Variants in GRID1 observed in about 807,000 individuals in gnomAD.
The protein encoded by GRID1 is glutamate ionotropic receptor delta type subunit 1.
GRID1 carries 28 observed loss-of-function variants against 98.0 expected under a neutral mutation model. The ratio of observed to expected loss-of-function variants is 0.29; its 90% CI spans 0.21 to 0.39. GRID1 has a LOEUF of 0.39. GRID1 is among the 10% of genes least tolerant of loss of function. GRID1 has a pLI of 1.00. For missense variants in GRID1, 1,111 were observed against 1,340.5 expected (o/e 0.83, Z 2.67); for synonymous variants, 553 against 538.5 (o/e 1.03, Z -0.37).
chr10:86,060,720 T>C (rs1843636925), intron 4 of GRID1, among the ~76,000 whole-genome samples: 1 of 152,140 alleles, frequency 6.6e-6, no homozygotes, highest in Non-Finnish European at 1.5e-5. Flanking sequence ...TCAGGCTGTG[T>C]CTCACTCAGT....
intron 4 of GRID1, among the ~76,000 whole-genome samples, chr10:86,010,714 A>G (rs1245189287): frequency 6.6e-6 from 1 of 151,136 alleles, no homozygotes; most frequent in African/African-American, 2.4e-5. Context: ...GCTACTCGAG[A>G]GGCTGAGGCA....
rs1238816931 is a variant in GRID1 at position 85,796,336 on chromosome 10, TGTGA to T, written c.1233+58156_1233+58159del. On this transcript the variant is annotated intron_variant, in intron 8 of 15. Coordinates refer to ENST00000327946, the MANE Select transcript of GRID1 (RefSeq NM_017551.3). ...GTTCTTAAAATAAACCTAGACATAT[TGTGA>T]TTAAAATATTAATTGGACAAAGAAT... Among the ~76,000 whole-genome samples the T allele has an allele frequency of 1.8e-4, 28 of 152,164 alleles. 1 individual carries two copies. Among genetic ancestry groups the T allele is most frequent in the East Asian group, 1.9e-4 (1 of 5,196 alleles).
intron 5 of GRID1, among the ~76,000 whole-genome samples, chr10:85,898,911 A>G (rs999817128): frequency 2.0e-5 from 3 of 152,210 alleles, no homozygotes; most frequent in African/African-American, 7.2e-5. Flanking sequence ...ATTCTCAAGT[A>G]TTATGGACTG....
At chr10:86,060,215 A>T (rs1444745380) in intron 4 of GRID1, among the ~76,000 whole-genome samples, 2 of 152,254 alleles carry the variant, frequency 1.3e-5, no homozygotes, top group African/African-American at 4.8e-5. Flanking sequence ...AATGCTACAA[A>T]TAGACATAAA....
At chr10:86,139,090 G>GCAT in intron 3 of GRID1, 66 bp from the exon 4 acceptor site, 5 of 1,116,784 alleles carry the variant, frequency 4.5e-6, no homozygotes, top group South Asian at 1.3e-5. Context: ...CCGGGAGGGT[G>GCAT]TCTAACTGCA....
Position 85,890,363 on chromosome 10 carries a change from A to T in GRID1, c.781-21183T>A, listed in dbSNP as rs146318212. Among the ~76,000 whole-genome samples the T allele has an allele frequency of 1.0e-3, 158 of 152,304 alleles. 1 individual carries two copies. Among genetic ancestry groups the T allele is most frequent in the African/African-American group, 3.5e-3 (144 of 41,566 alleles). Reference sequence around the variant, plus strand: ...ATATGCTCATTACCCTGATTTGATCATTATACAACGTATATGTGCATGAAA... The same window carrying T: ...ATATGCTCATTACCCTGATTTGATCTTTATACAACGTATATGTGCATGAAA... On this transcript the variant is annotated intron_variant, in intron 5 of 15. Transcript: ENST00000327946.
At chr10:86,249,965 G>A (rs180777925) in intron 2 of GRID1, among the ~76,000 whole-genome samples, 1 of 152,048 alleles carries the variant, frequency 6.6e-6, no homozygotes, top group Non-Finnish European at 1.5e-5. Flanking sequence ...TGAATGGGGG[G>A]TGGGTGGATA....
At chr10:86,035,281 T>C (rs190758954) in intron 4 of GRID1, among the ~76,000 whole-genome samples, 18 of 152,354 alleles carry the variant, frequency 1.2e-4, no homozygotes, top group Non-Finnish European at 2.4e-4. Context: ...GTTATTCTTA[T>C]TCGTAGAGCT....
chr10:86,086,702 G>C (rs1374166110), intron 4 of GRID1, among the ~76,000 whole-genome samples: 1 of 152,208 alleles, frequency 6.6e-6, no homozygotes, highest in Non-Finnish European at 1.5e-5. Context: ...GCATGTGCAG[G>C]TGTGTACTTG....
At chr10:86,338,336 A>G (rs999306232) in intron 2 of GRID1, among the ~76,000 whole-genome samples, 5 of 152,082 alleles carry the variant, frequency 3.3e-5, no homozygotes, top group Non-Finnish European at 5.9e-5. Context: ...TTTCTCTGCC[A>G]TTTTTGCTAA....
At chr10:86,111,944 G>A (rs1227714655) in intron 4 of GRID1, among the ~76,000 whole-genome samples, 1 of 152,238 alleles carries the variant, frequency 6.6e-6, no homozygotes, top group Non-Finnish European at 1.5e-5. Context: ...GGAATCTAAT[G>A]AGGTGTAGTC....
chr10:85,675,067 T>A (rs915231563), intron 12 of GRID1, among the ~76,000 whole-genome samples: 3 of 152,206 alleles, frequency 2.0e-5, no homozygotes, highest in African/African-American at 7.2e-5. Context: ...TCAATGCTGC[T>A]GGTTTGTGTC....
chr10:85,724,607 G>A lies in GRID1; in HGVS notation c.1603C>T (p.Arg535Trp), dbSNP rs1354128891. The A allele has an allele frequency of 1.9e-6, 3 of 1,613,092 alleles. No individual in the cohort carries two copies. The highest frequency in any genetic ancestry group is 2.7e-5 in the African/African-American group (2 of 74,920). ...ERESVVDFSK[R>W]YMDYSVGILI... ...ATCCCCACTGAATAGTCCATGTACC[G>A]CTTGCTGAAGTCCACAACGCTCTCC... is the stretch of plus-strand genomic sequence containing the variant. The change falls in exon 11 of 16, where the codon CGG becomes TGG. Residue 535 changes from arginine (R) to tryptophan (W), a missense_variant. Arg to Trp is a moderately radical substitution (Grantham distance 101, BLOSUM62 -3). This residue lies in a region of GRID1 where 762 missense variants were observed against 869.1 expected (regional missense o/e 0.88). Coordinates refer to ENST00000327946, the MANE Select transcript of GRID1 (RefSeq NM_017551.3).
intron 12 of GRID1, among the ~76,000 whole-genome samples, chr10:85,717,387 G>C (rs1295771372): frequency 6.6e-6 from 1 of 152,122 alleles, no homozygotes; most frequent in Admixed American, 6.5e-5. Context: ...AATCATGATG[G>C]GAGGCAAAAG....
At chr10:86,348,103 CTG>C (rs1389374061) in intron 2 of GRID1, among the ~76,000 whole-genome samples, 1 of 152,212 alleles carries the variant, frequency 6.6e-6, no homozygotes, top group Non-Finnish European at 1.5e-5. Context: ...TGTGAGCTCT[CTG>C]GGACACACAA....
chr10:85,755,867 A>C (rs941212220), intron 8 of GRID1, among the ~76,000 whole-genome samples: 1 of 152,112 alleles, frequency 6.6e-6, no homozygotes, highest in Non-Finnish European at 1.5e-5. Flanking sequence ...TAAAACAAGG[A>C]GGTGGGACTC....
At chr10:85,876,016 T>A (rs1399310993) in intron 5 of GRID1, among the ~76,000 whole-genome samples, 2 of 152,370 alleles carry the variant, frequency 1.3e-5, no homozygotes, top group Non-Finnish European at 1.5e-5. Context: ...CCTTTATTTT[T>A]ATCTCACTCT....
chr10:85,819,037 T>C (rs11201805), intron 8 of GRID1, among the ~76,000 whole-genome samples: 1 of 152,110 alleles, frequency 6.6e-6, no homozygotes, highest in Admixed American at 6.5e-5. Context: ...TATTTGATTA[T>C]AACTCAAAGA....
intron 3 of GRID1, among the ~76,000 whole-genome samples, chr10:86,175,586 T>C (rs1430270900): frequency 1.3e-5 from 2 of 152,194 alleles, no homozygotes; most frequent in African/African-American, 2.4e-5. Context: ...ATCACGGACC[T>C]TTCCGCTGTT....
Sources: gnomAD v4.1 joint callset for allele counts (sites outside exome capture counted in the v4.1 genomes callset) on GRCh38, gnomAD v4.1.1 for gene constraint, gnomAD v4.1.1 regional missense constraint, MANE v1.5 for transcripts, NCBI Gene and HGNC (gene_info 2026-07-23, HGNC 2026-07-21) for gene names.